CCDC33: variants seen among roughly 807,000 people sequenced by gnomAD.
The protein encoded by CCDC33 is coiled-coil domain containing 33, also known as coiled-coil domain-containing protein 33.
Under a neutral mutation model 91.9 loss-of-function variants are expected in CCDC33, and 94 were observed. The ratio of observed to expected loss-of-function variants is 1.02; its 90% confidence interval spans 0.87 to 1.21. CCDC33 has a LOEUF of 1.21. Ranked by LOEUF, CCDC33 falls within the 50% of genes most tolerant of loss-of-function variation. CCDC33 has a pLI of 0.00. For synonymous variants in CCDC33, 396 were observed against 374.5 expected (o/e 1.06, Z -0.66); for missense variants, 940 against 935.5 (o/e 1.00, Z -0.06).
intron 7 of CCDC33, among the ~76,000 whole-genome samples, chr15:74,278,876 A>G (rs1021078470): frequency 2.0e-5 from 3 of 152,208 alleles, no homozygotes; most frequent in African/African-American, 4.8e-5. Flanking sequence ...CTAGGGTGCC[A>G]TCAAGTCCCC....
At chr15:74,314,256 AGCTACTTGGG>A (rs1302581972) in intron 11 of CCDC33, among the ~76,000 whole-genome samples, 1 of 152,180 alleles carries the variant, frequency 6.6e-6, no homozygotes, top group Non-Finnish European at 1.5e-5. Flanking sequence ...CTAGAATACA[AGCTACTTGGG>A]GACAGAGACC....
At chr15:74,330,163 T>C in intron 11 of CCDC33, 26 bp from the exon 12 acceptor site, 1 of 1,565,756 alleles carries the variant, frequency 6.4e-7, no homozygotes, top group South Asian at 1.2e-5. Context: ...GGCAGTGGGC[T>C]CAGCTCTGGG....
chr15:74,325,809 C>T (rs2060298794), intron 11 of CCDC33, among the ~76,000 whole-genome samples: 1 of 152,082 alleles, frequency 6.6e-6, no homozygotes. Context: ...AAGGGTTAAG[C>T]ATTACCCTCT....
At chr15:74,236,831 A>G in intron 1 of CCDC33, 91 bp downstream of exon 1, 2 of 1,304,298 alleles carry the variant, frequency 1.5e-6, no homozygotes, top group African/African-American at 1.5e-5. Context: ...CTTAATCATG[A>G]CAAAAGCTTC....
intron 1 of CCDC33, among the ~76,000 whole-genome samples, chr15:74,237,651 C>A (rs351176): frequency 0.035 from 5,369 of 152,168 alleles, 263 homozygotes; most frequent in African/African-American, 0.12. Context: ...CCCCATTAAG[C>A]CTCTTTCTGT....
rs753892141 is a variant in CCDC33 at position 74,280,770 on chromosome 15, A to G, written c.992A>G (p.Asp331Gly). 1.9e-6 allele frequency: 3 copies of G among 1,562,472 alleles called. No individual in the cohort carries two copies. The highest frequency in any genetic ancestry group is 2.4e-5 in the South Asian group (2 of 83,838). ...AAGATGCTGACAGGGAAAGGCTTGG[A>G]CGGGCTTCACGTGGAGCGGCTCCCC... ...YQKMLTGKGL[D>G]GLHVERLPIM... The change falls in exon 9 of 19, where the codon GAC becomes GGC. Residue 331 changes from aspartate (D) to glycine (G), a missense_variant. Asp to Gly is a moderately conservative substitution (Grantham distance 94, BLOSUM62 -1). Coordinates refer to ENST00000398814, the MANE Select transcript of CCDC33 (RefSeq NM_025055.5).
rs546613292 is a variant in CCDC33 at position 74,220,274 on chromosome 15, A to G, written c.675+1413A>G. Reference sequence around the variant, plus strand: ...ACTCAGCCTGTTGACATGGCCCACTATGGCCTCTGTCCATTAATTCATTCA... The same window carrying G: ...ACTCAGCCTGTTGACATGGCCCACTGTGGCCTCTGTCCATTAATTCATTCA... On this transcript the variant is annotated intron_variant, in intron 2 of 2. Coordinates refer to the CCDC33 transcript ENST00000635913. Among the ~76,000 whole-genome samples the G allele has an allele frequency of 1.1e-4, 16 of 152,306 alleles. No homozygotes were observed. In the East Asian group the frequency reaches 2.9e-3, roughly 28 times the overall value.
intron 9 of CCDC33, 104 bp downstream of exon 9, chr15:74,280,905 C>G: frequency 8.5e-7 from 1 of 1,179,182 alleles, no homozygotes; most frequent in Non-Finnish European, 1.1e-6. Context: ...TTTGGCTTCT[C>G]CAGAAGCTTC....
intron 11 of CCDC33, among the ~76,000 whole-genome samples, chr15:74,310,686 T>C (rs2059976607): frequency 6.6e-6 from 1 of 152,194 alleles, no homozygotes; most frequent in South Asian, 2.1e-4. Context: ...CATTGCCACC[T>C]GCATCTGTGA....
At chr15:74,279,516 ATTTG>A (rs765391859) in intron 7 of CCDC33, among the ~76,000 whole-genome samples, 5 of 151,962 alleles carry the variant, frequency 3.3e-5, no homozygotes, top group African/African-American at 7.3e-5. Flanking sequence ...TGCTGCATTT[ATTTG>A]TTTATTTATT....
At chr15:74,285,595 T>A (rs973699391) in intron 10 of CCDC33, among the ~76,000 whole-genome samples, 4 of 151,856 alleles carry the variant, frequency 2.6e-5, no homozygotes, top group African/African-American at 9.7e-5. Flanking sequence ...TCAGCAAGCC[T>A]CCTACATAGA....
At chr15:74,257,800 G>T (rs1217391857) in intron 2 of CCDC33, among the ~76,000 whole-genome samples, 1 of 152,204 alleles carries the variant, frequency 6.6e-6, no homozygotes, top group African/African-American at 2.4e-5. Context: ...GACTGTCTCT[G>T]CAGAAGCCAA....
chr15:74,234,347 T>C (rs950853414), upstream of CCDC33, among the ~76,000 whole-genome samples: 3 of 152,236 alleles, frequency 2.0e-5, no homozygotes, highest in Admixed American at 1.3e-4. Flanking sequence ...CATCACAGCT[T>C]GGGGCTGGCC....
Position 74,218,778 on chromosome 15 carries a change from C to T in CCDC33, c.592C>T (p.Pro198Ser). 1 of 1,289,062 alleles carries T rather than the reference C, an allele frequency of 7.8e-7. No individual in the cohort carries two copies. The highest frequency in any genetic ancestry group is 1.2e-5 in the South Asian group (1 of 80,950). The allele number at this position is 1,289,062 out of a possible 1,614,324, so 79.9% of individuals were successfully genotyped here. A position where few individuals can be genotyped will look rare whatever the true frequency, so the allele number is the denominator to read the frequency against. ...CTTCCACGTCCACCGGGGCCCTCAG[C>T]CTCCAGTCTCAGACAGCCCTCCCAG... The change falls in exon 2 of 3, where the codon CCT becomes TCT. Residue 198 changes from proline (P) to serine (S), a missense_variant. Transcript: ENST00000635913. This position sits in a 1 kb window ranked among gnomAD's most constrained non-coding sequence, Gnocchi z 4.8.
chr15:74,333,744 G>A (rs940708652), intron 16 of CCDC33, 137 bp from the exon 17 acceptor site: 20 of 640,400 alleles, frequency 3.1e-5, no homozygotes, highest in Middle Eastern at 2.7e-4. Flanking sequence ...GTTCGGCCCA[G>A]GTCTGACGCT....
chr15:74,319,389 C>G (rs2060160928), intron 11 of CCDC33: 2 of 152,638 alleles, frequency 1.3e-5, no homozygotes, highest in African/African-American at 4.8e-5. Flanking sequence ...CAGCAAAGCT[C>G]TAACCAGGGA....
intron 2 of CCDC33, among the ~76,000 whole-genome samples, chr15:74,261,757 C>A (rs1298623445): frequency 5.9e-5 from 9 of 152,180 alleles, no homozygotes; most frequent in Non-Finnish European, 1.3e-4. Flanking sequence ...TTACCTCTCA[C>A]CTTATACAGC....
At chr15:74,325,887 T>A (rs2142847474) in intron 11 of CCDC33, among the ~76,000 whole-genome samples, 1 of 152,160 alleles carries the variant, frequency 6.6e-6, no homozygotes, top group South Asian at 2.1e-4. Flanking sequence ...ACCCAGCTCC[T>A]CCTTCTCCCC....
intron 11 of CCDC33, among the ~76,000 whole-genome samples, chr15:74,298,680 C>T (rs535294377): frequency 2.0e-5 from 3 of 148,156 alleles, no homozygotes; most frequent in African/African-American, 7.4e-5. Flanking sequence ...GCTGGGATTA[C>T]AGGCATTCGA....
Sources: allele counts gnomAD v4.1 joint callset (sites outside exome capture counted in the v4.1 genomes callset), GRCh38; gene constraint gnomAD v4.1.1; non-coding constraint Gnocchi (gnomAD v3.1); transcripts MANE v1.5; gene names NCBI Gene and HGNC (gene_info 2026-07-23, HGNC 2026-07-21).